P2RY8: variants seen among roughly 807,000 people sequenced by gnomAD.
P2RY8 encodes P2Y receptor family member 8.
Under a neutral mutation model 10.0 loss-of-function variants are expected in P2RY8, and 6 were observed. The observed-to-expected ratio is 0.60, with a 90% CI of 0.33 to 1.19. The LOEUF is 1.19. Ranked by LOEUF, P2RY8 falls within the 50% of genes most tolerant of loss-of-function variation. P2RY8 has a pLI of 0.04. For missense variants in P2RY8, 456 were observed against 542.0 expected (o/e 0.84, Z 1.58); for synonymous variants, 276 against 252.5 (o/e 1.09, Z -0.88).
intron 1 of P2RY8, among the ~76,000 whole-genome samples, chrX:1,468,777 CT>C (rs1248744704): frequency 0.043 from 14 of 328 alleles, 1 homozygote; most frequent in African/African-American, 0.18. Flanking sequence ...CCTCTCCCCT[CT>C]CCCTCTCCCC....
In P2RY8 at chrX:1,524,465, C is replaced by A. The variant is rs1225395825; in HGVS notation, c.-25+12456G>T. On this transcript the variant is annotated intron_variant, in intron 1 of 1. Coordinates refer to ENST00000381297, the MANE Select transcript of P2RY8 (RefSeq NM_178129.5). ...TTCATCCATCTATCCATCCATCCAT[C>A]CATCCATTCATCCACTCATCCATCC... Among the ~76,000 whole-genome samples, 544 of 142,158 alleles carry A rather than the reference C, an allele frequency of 3.8e-3. 56 individuals are homozygous for A. Among genetic ancestry groups the A allele is most frequent in the African/African-American group, 0.013 (495 of 37,630 alleles). The allele number at this position is 142,158 out of a possible 152,430, so 93.3% of individuals were successfully genotyped here.
At position 1,462,827 on chromosome X, in the gene P2RY8, A is replaced by G; in HGVS notation, c.*2652T>C. 4.3e-6 allele frequency: 1 copy of G among 233,062 alleles called. No homozygotes were observed. The highest frequency in any genetic ancestry group is 8.5e-6 in the Non-Finnish European group (1 of 117,964). 14.4% of individuals were successfully genotyped at this position (233,062 alleles called of 1,614,324 possible). On this transcript the variant is annotated 3_prime_UTR_variant, in exon 2 of 2. Transcript: ENST00000381297. ...GAAGTAAAGTTTTCCATCTTAAAAC[A>G]TGTGTGTGAGTCAATAGACCTGTGT... is the stretch of plus-strand genomic sequence containing the variant.
At chrX:1,467,402 C>T (rs1361543507) in intron 1 of P2RY8, among the ~76,000 whole-genome samples, 3 of 152,148 alleles carry the variant, frequency 2.0e-5, no homozygotes, top group Non-Finnish European at 2.9e-5. Context: ...TCTGACCCGC[C>T]GGTCCGTGCC....
intron 1 of P2RY8, among the ~76,000 whole-genome samples, chrX:1,483,137 G>T (rs1311130779): frequency 6.6e-6 from 1 of 152,130 alleles, no homozygotes; most frequent in African/African-American, 2.4e-5. Flanking sequence ...AAAGATCGTT[G>T]CTCAGTGTGA....
intron 1 of P2RY8, among the ~76,000 whole-genome samples, chrX:1,473,835 G>C (rs868515630): frequency 5.6e-5 from 8 of 142,594 alleles, no homozygotes; most frequent in African/African-American, 1.3e-4. Context: ...TGGGTGGATG[G>C]GTGGATGGAT....
At chrX:1,509,662 A>G (rs1471953130) in intron 1 of P2RY8, among the ~76,000 whole-genome samples, 3 of 125,292 alleles carry the variant, frequency 2.4e-5, no homozygotes, top group African/African-American at 6.4e-5. Flanking sequence ...TCTATCCTGT[A>G]TGTGTTCATC....
At position 1,480,518 on chromosome X, in the gene P2RY8, AG is replaced by A; in HGVS notation, c.-24-13937del. ...TCCTTCTGTCTCAGCCTCCTGTGTAAGCTGGGACATGGATGAAGCTGGAAGC... is the reference window on the plus strand; with the variant it reads ...TCCTTCTGTCTCAGCCTCCTGTGTAACTGGGACATGGATGAAGCTGGAAGC... On this transcript the variant is annotated intron_variant, in intron 1 of 1. Coordinates refer to ENST00000381297, the MANE Select transcript of P2RY8 (RefSeq NM_178129.5). Among the ~76,000 whole-genome samples, 2 of 33,380 alleles carry A rather than the reference AG, an allele frequency of 6.0e-5. 1 individual carries two copies. Among genetic ancestry groups the A allele is most frequent in the South Asian group, 3.3e-3 (2 of 606 alleles). 21.9% of individuals were successfully genotyped at this position (33,380 alleles called of 152,430 possible).
chrX:1,488,522 A>C (rs1213303554), intron 1 of P2RY8, among the ~76,000 whole-genome samples: 3 of 152,040 alleles, frequency 2.0e-5, no homozygotes, highest in Non-Finnish European at 4.4e-5. Context: ...CACAGTCTTG[A>C]GTGACACCTT....
chrX:1,535,486 C>A (rs1276923867), intron 1 of P2RY8, among the ~76,000 whole-genome samples: 2 of 151,756 alleles, frequency 1.3e-5, no homozygotes, highest in Non-Finnish European at 2.9e-5. Context: ...CCGCCGTAAA[C>A]ACAAAATATG....
At chrX:1,528,670 C>G (rs1414135906) in intron 1 of P2RY8, among the ~76,000 whole-genome samples, 2 of 151,808 alleles carry the variant, frequency 1.3e-5, no homozygotes, top group African/African-American at 4.8e-5. Flanking sequence ...GGGTTTGAGC[C>G]TCTTTGAATG....
intron 1 of P2RY8, among the ~76,000 whole-genome samples, chrX:1,480,093 C>G (rs1490537679): frequency 6.6e-6 from 1 of 152,106 alleles, no homozygotes; most frequent in Non-Finnish European, 1.5e-5. Context: ...ACCATTCCTT[C>G]CAGAAGATAG....
rs2091600703 is a variant in P2RY8, at chrX:1,462,724, C to A, written c.*2755G>T. On this transcript the variant is annotated 3_prime_UTR_variant, in exon 2 of 2. Coordinates refer to ENST00000381297, the MANE Select transcript of P2RY8 (RefSeq NM_178129.5). ...TGAGCCTCCCAAAGTGCTGAGATTA[C>A]CGGCATGAGCTGCCACGCCTTGATG... The A allele has an allele frequency of 1.7e-5, 4 of 233,022 alleles. No homozygotes were observed. In the Admixed American group the frequency reaches 2.3e-4, roughly 13 times the overall value. The allele number at this position is 233,022 out of a possible 1,614,324, so 14.4% of individuals were successfully genotyped here. A position where few individuals can be genotyped will look rare whatever the true frequency, so the allele number is the denominator to read the frequency against.
chrX:1,535,061 C>T (rs2092514016), intron 1 of P2RY8, among the ~76,000 whole-genome samples: 1 of 151,980 alleles, frequency 6.6e-6, no homozygotes, highest in African/African-American at 2.4e-5. Flanking sequence ...CCTAATTGTC[C>T]TCTTGTGGGG....
intron 1 of P2RY8, among the ~76,000 whole-genome samples, chrX:1,516,194 C>T (rs1372256402): frequency 1.8e-5 from 2 of 108,478 alleles, no homozygotes; most frequent in African/African-American, 3.7e-5. Flanking sequence ...TGAAACTCCA[C>T]CTCAGAAAAA....
chrX:1,480,318 G>A (rs5989745), intron 1 of P2RY8, among the ~76,000 whole-genome samples: 79,438 of 149,746 alleles, frequency 0.53, 21,274 homozygotes, highest in South Asian at 0.65. Context: ...TATTGGCTGA[G>A]TCAGAGTTTC....
chrX:1,494,353 C>G (rs1170050252), intron 1 of P2RY8: 2 of 152,380 alleles, frequency 1.3e-5, no homozygotes, highest in Non-Finnish European at 2.9e-5. Context: ...GCAAGCTGCT[C>G]TTAGCTGCGA....
At chrX:1,481,171 ATT>A (rs112989794) in intron 1 of P2RY8, among the ~76,000 whole-genome samples, 6 of 148,528 alleles carry the variant, frequency 4.0e-5, no homozygotes, top group African/African-American at 1.2e-4. Flanking sequence ...CACGCAATAC[ATT>A]TTTTTTTTTT....
intron 1 of P2RY8, among the ~76,000 whole-genome samples, chrX:1,515,946 T>G (rs867665035): frequency 3.8e-5 from 3 of 77,942 alleles, no homozygotes; most frequent in African/African-American, 1.3e-4. Flanking sequence ...GGCCGAGGGG[T>G]CGGGGGGTGG....
At chrX:1,487,936 C>G (rs754690880) in intron 1 of P2RY8, among the ~76,000 whole-genome samples, 1 of 152,186 alleles carries the variant, frequency 6.6e-6, no homozygotes, top group Admixed American at 6.5e-5. Context: ...CGGTGAAACC[C>G]CGTCTCTACT....
Sources: allele counts gnomAD v4.1 joint callset (sites outside exome capture counted in the v4.1 genomes callset), GRCh38; gene constraint gnomAD v4.1.1; transcripts MANE v1.5; gene names NCBI Gene and HGNC (gene_info 2026-07-23, HGNC 2026-07-21).